CACNA2D2: variants seen among roughly 807,000 people sequenced by gnomAD.
The protein encoded by CACNA2D2 is voltage-dependent calcium channel subunit alpha-2/delta-2.
Under a neutral mutation model 166.4 loss-of-function variants are expected in CACNA2D2, and 48 were observed. The observed-to-expected ratio is 0.29, with a 90% CI of 0.23 to 0.37. The LOEUF (loss-of-function observed/expected upper bound fraction) is 0.37. Among genes scored for constraint, CACNA2D2 ranks in the 10% least tolerant of loss-of-function variants. The pLI, the probability that CACNA2D2 is intolerant of heterozygous loss-of-function variation, is 1.00. For synonymous variants in CACNA2D2, 561 were observed against 573.7 expected (o/e 0.98, Z 0.32); for missense variants, 1,122 against 1,433.0 (o/e 0.78, Z 3.50).
intron 1 of CACNA2D2, among the ~76,000 whole-genome samples, chr3:50,485,469 G>A (rs892906545): frequency 4.6e-5 from 7 of 152,246 alleles, no homozygotes; most frequent in African/African-American, 1.7e-4. Flanking sequence ...AGTTATAAAT[G>A]TATTTTAGAA....
intron 3 of CACNA2D2, among the ~76,000 whole-genome samples, chr3:50,395,768 C>T (rs953555250): frequency 7.9e-5 from 12 of 152,188 alleles, no homozygotes; most frequent in African/African-American, 2.9e-4. Context: ...GGCAGAGTGT[C>T]ACAACCCCAT....
chr3:50,499,888 T>TC (rs1023774997), intron 1 of CACNA2D2, among the ~76,000 whole-genome samples: 67 of 151,170 alleles, frequency 4.4e-4, no homozygotes, highest in Non-Finnish European at 8.0e-4. Context: ...CAGCCAAGGG[T>TC]CCCCCCAAAG....
chr3:50,365,942 T>C lies in CACNA2D2; in HGVS notation c.2862+69A>G. 3 of 1,611,046 alleles carry C rather than the reference T, an allele frequency of 1.9e-6. No homozygotes were observed. The highest frequency in any genetic ancestry group is 2.5e-6 in the Non-Finnish European group (3 of 1,178,702). ...CCCCAGCTTTATCAAATGTCAGAGG[T>C]AGGGGGTCATCTGTGGGCAGGTCTC... On this transcript the variant is annotated intron_variant, in intron 32 of 37. Transcript: ENST00000424201. This position sits in a 1 kb window ranked among gnomAD's most constrained non-coding sequence, Gnocchi z 4.5.
At chr3:50,453,933 C>T (rs1038202692) in intron 2 of CACNA2D2, among the ~76,000 whole-genome samples, 3 of 151,946 alleles carry the variant, frequency 2.0e-5, no homozygotes, top group Non-Finnish European at 2.9e-5. Flanking sequence ...ACGGTGGACA[C>T]GACCAGGCCC....
chr3:50,374,596 G>A, intron 22 of CACNA2D2, 141 bp downstream of exon 22: 1 of 820,790 alleles, frequency 1.2e-6, no homozygotes, highest in South Asian at 1.7e-5. Context: ...AGGTGCCCCA[G>A]CCTGCGGGCA....
intron 2 of CACNA2D2, among the ~76,000 whole-genome samples, chr3:50,448,649 G>A (rs1249145960): frequency 6.6e-6 from 1 of 152,144 alleles, no homozygotes; most frequent in African/African-American, 2.4e-5. Flanking sequence ...CCTGAGCTCA[G>A]CCCTGAGCTC....
At chr3:50,475,039 A>T (rs1410210223) in intron 2 of CACNA2D2, among the ~76,000 whole-genome samples, 1 of 152,162 alleles carries the variant, frequency 6.6e-6, no homozygotes, top group African/African-American at 2.4e-5. Context: ...CCACGTACTT[A>T]GCCACCCATG....
chr3:50,438,957 C>T (rs1474479389), intron 2 of CACNA2D2, among the ~76,000 whole-genome samples: 1 of 152,222 alleles, frequency 6.6e-6, no homozygotes, highest in African/African-American at 2.4e-5. Flanking sequence ...GATGACATCA[C>T]TGATCTCCTA....
At chr3:50,488,279 C>A (rs925062966) in intron 1 of CACNA2D2, among the ~76,000 whole-genome samples, 63 of 152,214 alleles carry the variant, frequency 4.1e-4, no homozygotes, top group African/African-American at 1.4e-3. Flanking sequence ...ATGGGAGCAC[C>A]TCCACACACT....
At chr3:50,369,331 G>A (rs1321881805) in intron 23 of CACNA2D2, among the ~76,000 whole-genome samples, 1 of 152,222 alleles carries the variant, frequency 6.6e-6, no homozygotes, top group African/African-American at 2.4e-5. Context: ...TGACAAAAAC[G>A]AATAGGGTCC....
At chr3:50,390,477 C>T (rs1705830605) in intron 4 of CACNA2D2, among the ~76,000 whole-genome samples, 1 of 152,216 alleles carries the variant, frequency 6.6e-6, no homozygotes, top group Non-Finnish European at 1.5e-5. Flanking sequence ...TCTGTCTTTG[C>T]AACTCCACAG....
intron 6 of CACNA2D2, among the ~76,000 whole-genome samples, chr3:50,382,871 C>T (rs1159659090): frequency 6.6e-6 from 1 of 152,130 alleles, no homozygotes; most frequent in Non-Finnish European, 1.5e-5. Context: ...CATGCAGGTA[C>T]CTGTGACCCC....
At chr3:50,493,222 C>CA (rs771180005) in intron 1 of CACNA2D2, among the ~76,000 whole-genome samples, 1 of 152,222 alleles carries the variant, frequency 6.6e-6, no homozygotes, top group Non-Finnish European at 1.5e-5. Context: ...TCTCCACCTC[C>CA]AGCCCAAGGT....
chr3:50,502,454 G>C (rs1699015136), intron 1 of CACNA2D2, among the ~76,000 whole-genome samples: 1 of 152,218 alleles, frequency 6.6e-6, no homozygotes, highest in African/African-American at 2.4e-5. Flanking sequence ...GAGTTTGCTG[G>C]CTCTTGGGGA....
At chr3:50,399,735 C>T (rs1706352133) in intron 3 of CACNA2D2, among the ~76,000 whole-genome samples, 1 of 152,206 alleles carries the variant, frequency 6.6e-6, no homozygotes, top group Middle Eastern at 3.2e-3. Context: ...CCCAGGTTCG[C>T]CTGGTGGTAA....
At chr3:50,370,176 C>T (rs1007194262) in intron 23 of CACNA2D2, 144 bp downstream of exon 23, 13 of 666,608 alleles carry the variant, frequency 2.0e-5, no homozygotes, top group African/African-American at 5.3e-5. Flanking sequence ...TGCACACAGC[C>T]GCGCATACCG....
chr3:50,398,128 A>G (rs1220708568), intron 3 of CACNA2D2, among the ~76,000 whole-genome samples: 1 of 152,172 alleles, frequency 6.6e-6, no homozygotes, highest in Non-Finnish European at 1.5e-5. Context: ...CTATTGGGAT[A>G]CCACGCAGGG....
intron 2 of CACNA2D2, among the ~76,000 whole-genome samples, chr3:50,451,421 C>A (rs1012317906): frequency 6.6e-6 from 1 of 152,066 alleles, no homozygotes; most frequent in Non-Finnish European, 1.5e-5. Context: ...TCAACACGCA[C>A]GGCCCAGGGG....
chr3:50,500,096 G>C (rs2107191112), intron 1 of CACNA2D2, among the ~76,000 whole-genome samples: 1 of 152,328 alleles, frequency 6.6e-6, no homozygotes, highest in Non-Finnish European at 1.5e-5. Flanking sequence ...GGAAGGCCCA[G>C]ACAGACACAC....
Sources: allele counts gnomAD v4.1 joint callset (sites outside exome capture counted in the v4.1 genomes callset), GRCh38; gene constraint gnomAD v4.1.1; non-coding constraint Gnocchi (gnomAD v3.1); transcripts MANE v1.5; gene names NCBI Gene and HGNC (gene_info 2026-07-23, HGNC 2026-07-21).